The following PSD3 variants were observed in gnomAD, a reference collection of about 807,000 sequenced individuals.
The protein encoded by PSD3 is pleckstrin and Sec7 domain containing 3.
In PSD3, 49 loss-of-function variants were observed where a neutral mutation model predicts 105.5. That is an observed-to-expected ratio of 0.46 (90% CI 0.37 to 0.59). The LOEUF is 0.59. Among genes scored for constraint, PSD3 ranks in the 20% least tolerant of loss-of-function variants. The pLI is 0.00. For missense variants in PSD3, 1,561 were observed against 1,263.8 expected, an observed-to-expected ratio of 1.24 and a Z score of -3.57; for synonymous variants, 557 against 457.8, an observed-to-expected ratio of 1.22 and a Z score of -2.77.
At chr8:18,581,388 G>C (rs1802807077) in intron 12 of PSD3, among the ~76,000 whole-genome samples, 1 of 151,662 alleles carries the variant, frequency 6.6e-6, no homozygotes, top group South Asian at 2.1e-4. Context: ...CAGGGGCACT[G>C]CAAGTACTAG....
At chr8:18,596,925 T>C (rs1804145903) in intron 12 of PSD3, among the ~76,000 whole-genome samples, 1 of 152,138 alleles carries the variant, frequency 6.6e-6, no homozygotes, top group Non-Finnish European at 1.5e-5. Context: ...ATTCTCAAAC[T>C]GTTCCAAAAA....
At chr8:18,771,812 A>G (rs375191801) in intron 8 of PSD3, among the ~76,000 whole-genome samples, 10 of 152,338 alleles carry the variant, frequency 6.6e-5, no homozygotes, top group African/African-American at 2.4e-4. Context: ...GTATATTCAC[A>G]CTGTTGTGGA....
chr8:18,753,418 T>C (rs967061889), intron 9 of PSD3, among the ~76,000 whole-genome samples: 3 of 151,902 alleles, frequency 2.0e-5, no homozygotes, highest in Non-Finnish European at 4.4e-5. Context: ...GATGGTATGT[T>C]GTGAAGAGGA....
At chr8:18,706,406 A>T (rs923808937) in intron 9 of PSD3, among the ~76,000 whole-genome samples, 4 of 150,978 alleles carry the variant, frequency 2.6e-5, no homozygotes, top group Non-Finnish European at 5.9e-5. Context: ...CACATTGGTT[A>T]AAAAAAAGAA....
At chr8:18,901,265 T>C (rs1205325632) in intron 2 of PSD3, among the ~76,000 whole-genome samples, 2 of 152,192 alleles carry the variant, frequency 1.3e-5, no homozygotes, top group Non-Finnish European at 2.9e-5. Flanking sequence ...TTGTTTAAAA[T>C]ATTTGAATAT....
In PSD3 at chr8:18,872,314, T is replaced by C. The variant is rs377351044; in HGVS notation, c.550A>G (p.Asn184Asp). 6.2e-7 allele frequency: 1 copy of C among 1,614,098 alleles called. No homozygotes were observed. Among genetic ancestry groups the C allele is most frequent in the African/African-American group, 1.3e-5 (1 of 74,950 alleles). ...TTTTGGCCAGCAGGGAGCGTTTTGT[T>C]GACTCTCTGTGTTTTACGACTGGCA... ...DTASRKTQRV[N>D]KTLPAGQKNL... The change falls in exon 3 of 16, where the codon AAC becomes GAC. Residue 184 changes from asparagine (N) to aspartate (D), a missense_variant. Coordinates refer to ENST00000327040, the MANE Select transcript of PSD3 (RefSeq NM_015310.4).
At chr8:18,538,113 T>C (rs779565842) in intron 15 of PSD3, among the ~76,000 whole-genome samples, 2 of 152,220 alleles carry the variant, frequency 1.3e-5, no homozygotes, top group Non-Finnish European at 2.9e-5. Context: ...GAGAGCCATG[T>C]TGACATGATG....
chr8:18,869,149 C>T (rs1047463797), intron 3 of PSD3, among the ~76,000 whole-genome samples: 4 of 151,568 alleles, frequency 2.6e-5, no homozygotes, highest in African/African-American at 9.7e-5. Context: ...GATGATGCTC[C>T]TCCCTACCTC....
chr8:18,967,956 A>G (rs1426110068), intron 1 of PSD3, among the ~76,000 whole-genome samples: 12 of 152,184 alleles, frequency 7.9e-5, no homozygotes, highest in Non-Finnish European at 5.9e-5. Flanking sequence ...TCCAAGTTCT[A>G]CAAAAGGCTA....
intron 1 of PSD3, among the ~76,000 whole-genome samples, chr8:18,941,158 C>A (rs1037063443): frequency 3.9e-5 from 6 of 152,162 alleles, no homozygotes; most frequent in African/African-American, 1.2e-4. Context: ...AAAATATATT[C>A]TTTTGCTTCA....
chr8:19,003,209 C>A (rs1826492039), intron 1 of PSD3, among the ~76,000 whole-genome samples: 1 of 151,948 alleles, frequency 6.6e-6, no homozygotes, highest in African/African-American at 2.4e-5. Context: ...ACAGAATATC[C>A]TTTAAGAGAA....
intron 9 of PSD3, among the ~76,000 whole-genome samples, chr8:18,729,697 T>C (rs910768375): frequency 1.5e-4 from 23 of 152,196 alleles, no homozygotes; most frequent in African/African-American, 5.6e-4. Flanking sequence ...CTTCTTTCTC[T>C]AAATAGCTTG....
chr8:18,779,975 G>A (rs56062960), intron 8 of PSD3, among the ~76,000 whole-genome samples: 4 of 152,090 alleles, frequency 2.6e-5, no homozygotes, highest in Non-Finnish European at 5.9e-5. Flanking sequence ...ATACCTCTTT[G>A]TTGATGACTT....
intron 10 of PSD3, among the ~76,000 whole-genome samples, chr8:18,636,105 C>T (rs1585455989): frequency 6.6e-6 from 1 of 152,078 alleles, no homozygotes; most frequent in Admixed American, 6.6e-5. Flanking sequence ...GCTTCATGCA[C>T]GCCCCTGAAG....
intron 4 of PSD3, among the ~76,000 whole-genome samples, chr8:18,809,631 T>C (rs1371291599): frequency 6.6e-6 from 1 of 152,230 alleles, no homozygotes; most frequent in Non-Finnish European, 1.5e-5. Context: ...AGGCATCTTA[T>C]ATTTTATCTG....
At chr8:18,646,919 G>T (rs1262822369) in intron 10 of PSD3, among the ~76,000 whole-genome samples, 1 of 152,074 alleles carries the variant, frequency 6.6e-6, no homozygotes, top group Non-Finnish European at 1.5e-5. Context: ...AGAGACTTTG[G>T]AACTAGTTAC....
At chr8:19,039,977 G>C (rs1030105578) in intron 1 of PSD3, among the ~76,000 whole-genome samples, 1 of 152,130 alleles carries the variant, frequency 6.6e-6, no homozygotes, top group Non-Finnish European at 1.5e-5. Flanking sequence ...GTGACTTAAG[G>C]GTTGGGGGGT....
At chr8:19,008,630 C>T (rs760124656) in intron 1 of PSD3, among the ~76,000 whole-genome samples, 18 of 152,214 alleles carry the variant, frequency 1.2e-4, no homozygotes, top group Admixed American at 5.2e-4. Flanking sequence ...TCCACTGGCC[C>T]TTAACCAGTA....
At chr8:18,703,029 T>C (rs1212508498) in intron 9 of PSD3, among the ~76,000 whole-genome samples, 1 of 152,200 alleles carries the variant, frequency 6.6e-6, no homozygotes, top group Non-Finnish European at 1.5e-5. Flanking sequence ...ATCTTGATTT[T>C]TGTGTTTTTC....
Sources: gnomAD v4.1 joint callset for allele counts (sites outside exome capture counted in the v4.1 genomes callset) on GRCh38, gnomAD v4.1.1 for gene constraint, MANE v1.5 for transcripts, NCBI Gene and HGNC (gene_info 2026-07-23, HGNC 2026-07-21) for gene names.